Variants in RERE observed in about 807,000 individuals in gnomAD.
The protein encoded by RERE is arginine-glutamic acid dipeptide repeats protein.
A neutral mutation model predicts 146.1 loss-of-function variants in RERE; 40 were observed. The ratio of observed to expected loss-of-function variants is 0.27; its 90% CI spans 0.21 to 0.36. The LOEUF (loss-of-function observed/expected upper bound fraction) is 0.36. RERE is among the 10% of genes least tolerant of loss of function. RERE has a pLI of 1.00. For synonymous variants in RERE, 1,003 were observed against 866.0 expected (o/e 1.16, Z -2.78); for missense variants, 1,933 against 2,138.7 (o/e 0.90, Z 1.90).
intron 1 of RERE, among the ~76,000 whole-genome samples, chr1:8,732,947 G>T (rs868857231): frequency 6.7e-6 from 1 of 148,736 alleles, no homozygotes; most frequent in Non-Finnish European, 1.5e-5. Context: ...TCAGCCTCCC[G>T]AGTAGCTGGG....
intron 10 of RERE, among the ~76,000 whole-genome samples, chr1:8,467,857 A>G (rs1644622653): frequency 1.3e-5 from 2 of 152,010 alleles, no homozygotes; most frequent in South Asian, 4.1e-4. Flanking sequence ...TGTTAACCAG[A>G]ATGGTCTCGA....
rs74049642 is a variant in RERE at position 8,456,338 on chromosome 1, A to G, written c.1203+9587T>C. 9.4e-3 allele frequency among the ~76,000 whole-genome samples: 1,402 copies of G among 148,968 alleles called. 19 individuals carry two copies. The highest frequency in any genetic ancestry group is 0.033 in the African/African-American group (1,345 of 41,316). On this transcript the variant is annotated intron_variant, in intron 11 of 22. Coordinates refer to ENST00000400908, the MANE Select transcript of RERE (RefSeq NM_001042681.2). ...TCCAAGATAGAGGTAGAGCAGGTAC[A>G]CTTTTCTTTCCAGGTATTTTCTTGC...
At chr1:8,375,716 A>T (rs535266770) in intron 12 of RERE, among the ~76,000 whole-genome samples, 8 of 116,362 alleles carry the variant, frequency 6.9e-5, no homozygotes. Flanking sequence ...ATGCTTCCTC[A>T]CTCAGCAGCC....
At chr1:8,511,391 T>C (rs1161265900) in intron 7 of RERE, among the ~76,000 whole-genome samples, 1 of 152,242 alleles carries the variant, frequency 6.6e-6, no homozygotes, top group African/African-American at 2.4e-5. Flanking sequence ...AACAAAAGTA[T>C]TTTTAAATTG....
At chr1:8,722,315 C>A (rs1173228401) in intron 1 of RERE, among the ~76,000 whole-genome samples, 1 of 152,220 alleles carries the variant, frequency 6.6e-6, no homozygotes, top group Non-Finnish European at 1.5e-5. Flanking sequence ...CTGGTAACAT[C>A]CCTTTTCTAC....
chr1:8,467,087 G>A (rs1275013456), intron 10 of RERE, among the ~76,000 whole-genome samples: 2 of 152,168 alleles, frequency 1.3e-5, no homozygotes, highest in African/African-American at 2.4e-5. Flanking sequence ...TAATACTCCA[G>A]AAAAACTTGC....
At chr1:8,508,821 A>G (rs1488179808) in intron 7 of RERE, 146 bp from the exon 8 acceptor site, 3 of 641,814 alleles carry the variant, frequency 4.7e-6, no homozygotes, top group African/African-American at 1.8e-5. Context: ...AATGTTCTGT[A>G]TACATACACC....
chr1:8,657,277 C>T (rs1638342132), intron 1 of RERE, among the ~76,000 whole-genome samples: 1 of 141,282 alleles, frequency 7.1e-6, no homozygotes. Flanking sequence ...TGCACTTCAG[C>T]CTGGGCGACA....
Position 8,694,981 on chromosome 1 carries a change from G to GGA in RERE, c.-144-38541_-144-38540insTC, listed in dbSNP as rs369046389. ...GAGCCAAAGAAATCCTAAGGGGGGG[G>GGA]GGGGAATGCTGGCAGCATCACATTA... On this transcript the variant is annotated intron_variant, in intron 1 of 22. Transcript: ENST00000400908. Among the ~76,000 whole-genome samples, 2 of 125,404 alleles carry GGA rather than the reference G, an allele frequency of 1.6e-5. 1 individual carries two copies. Among genetic ancestry groups the GGA allele is most frequent in the African/African-American group, 5.8e-5 (2 of 34,296 alleles). The allele number at this position is 125,404 out of a possible 152,430, so 82.3% of individuals were successfully genotyped here.
intron 12 of RERE, among the ~76,000 whole-genome samples, chr1:8,370,274 T>TGC (rs1243684841): frequency 6.6e-6 from 1 of 151,160 alleles, no homozygotes; most frequent in African/African-American, 2.4e-5. Flanking sequence ...CGGTGGGTGC[T>TGC]GCGTGAGTCC....
chr1:8,552,804 T>C (rs1645952588), intron 6 of RERE, among the ~76,000 whole-genome samples: 1 of 152,230 alleles, frequency 6.6e-6, no homozygotes, highest in African/African-American at 2.4e-5. Flanking sequence ...GATCACTAAG[T>C]GACAGCAACG....
chr1:8,496,543 A>G (rs1645048600), intron 9 of RERE, among the ~76,000 whole-genome samples: 1 of 152,124 alleles, frequency 6.6e-6, no homozygotes, highest in Admixed American at 6.6e-5. Context: ...CCACAAACCC[A>G]TCCAGGGTTA....
chr1:8,572,653 C>T (rs561406213), intron 4 of RERE, among the ~76,000 whole-genome samples: 11 of 152,354 alleles, frequency 7.2e-5, no homozygotes, highest in Admixed American at 5.2e-4. Flanking sequence ...AGACACTGTT[C>T]TGGAGATGGT....
At chr1:8,389,784 A>C (rs1642820162) in intron 12 of RERE, among the ~76,000 whole-genome samples, 1 of 152,220 alleles carries the variant, frequency 6.6e-6, no homozygotes, top group South Asian at 2.1e-4. Context: ...CCGTCAGCTA[A>C]GTGCACGTTG....
chr1:8,660,968 C>G (rs1294699245), intron 1 of RERE, among the ~76,000 whole-genome samples: 1 of 152,180 alleles, frequency 6.6e-6, no homozygotes, highest in African/African-American at 2.4e-5. Context: ...CAGCAGAAAA[C>G]TCAACATAAA....
chr1:8,683,138 T>C (rs2124400752), intron 1 of RERE, among the ~76,000 whole-genome samples: 1 of 152,222 alleles, frequency 6.6e-6, no homozygotes, highest in South Asian at 2.1e-4. Flanking sequence ...ATCCATATTT[T>C]AGATGCCAAA....
intron 3 of RERE, among the ~76,000 whole-genome samples, chr1:8,615,900 T>A (rs549182567): frequency 1.7e-4 from 22 of 130,876 alleles, no homozygotes; most frequent in Non-Finnish European, 2.6e-4. Flanking sequence ...CTAGAGTACA[T>A]CCTGGGATCT....
chr1:8,386,379 G>C (rs1485025726), intron 12 of RERE, among the ~76,000 whole-genome samples: 2 of 150,982 alleles, frequency 1.3e-5, no homozygotes, highest in African/African-American at 4.8e-5. Context: ...TATCAATAAT[G>C]AGAACATTCC....
intron 4 of RERE, among the ~76,000 whole-genome samples, chr1:8,561,019 A>G (rs1414036956): frequency 6.6e-6 from 1 of 152,242 alleles, no homozygotes; most frequent in Non-Finnish European, 1.5e-5. Context: ...TCAAATTTGT[A>G]CAATGTCTAT....
Sources: allele counts gnomAD v4.1 joint callset (sites outside exome capture counted in the v4.1 genomes callset), GRCh38; gene constraint gnomAD v4.1.1; transcripts MANE v1.5; gene names NCBI Gene and HGNC (gene_info 2026-07-23, HGNC 2026-07-21).